The following SRRM4 variants were observed in gnomAD, a reference collection of about 807,000 sequenced individuals.
SRRM4 encodes the protein serine/arginine repetitive matrix 4, also known as serine/arginine repetitive matrix protein 4.
Under a neutral mutation model 68.9 loss-of-function variants are expected in SRRM4, and 33 were observed. The observed-to-expected ratio is 0.48, with a 90% CI of 0.36 to 0.64. The LOEUF (loss-of-function observed/expected upper bound fraction) is 0.64, where lower values mean the gene tolerates loss of function less well. Ranked by LOEUF, SRRM4 falls within the 30% of genes least tolerant of loss-of-function variation. The pLI is 0.00. For missense variants in SRRM4, 817 were observed against 827.1 expected, an observed-to-expected ratio of 0.99 and a Z score of 0.15; for synonymous variants, 318 against 318.8, an observed-to-expected ratio of 1.00 and a Z score of 0.03.
At chr12:119,124,183 G>A (rs1053449937) in intron 6 of SRRM4, 3 of 152,212 alleles carry the variant, frequency 2.0e-5, no homozygotes, top group African/African-American at 7.2e-5. Context: ...TTAGATGTGG[G>A]TTACCTGTCA....
At chr12:119,023,998 G>C (rs966647771) in intron 1 of SRRM4, among the ~76,000 whole-genome samples, 5 of 147,986 alleles carry the variant, frequency 3.4e-5, no homozygotes, top group African/African-American at 1.2e-4. Context: ...CTCTCTCATT[G>C]TACTCTTGGC....
chr12:119,117,867 G>A (rs1209133650), intron 4 of SRRM4, among the ~76,000 whole-genome samples: 11 of 152,068 alleles, frequency 7.2e-5, no homozygotes, highest in African/African-American at 2.4e-4. Context: ...AGCCGAGATC[G>A]CTCCATTGCA....
At chr12:119,090,469 T>C (rs1392595983) in intron 1 of SRRM4, among the ~76,000 whole-genome samples, 1 of 152,110 alleles carries the variant, frequency 6.6e-6, no homozygotes, top group African/African-American at 2.4e-5. Context: ...CACCATAGAA[T>C]TGGTCTGACC....
intron 6 of SRRM4, among the ~76,000 whole-genome samples, chr12:119,122,886 T>A (rs4285939): frequency 1.3e-5 from 2 of 152,156 alleles, no homozygotes; most frequent in Non-Finnish European, 2.9e-5. Flanking sequence ...AGATGTCAGT[T>A]AAGCTCCTAG....
At chr12:119,034,148 G>T (rs1235570716) in intron 1 of SRRM4, among the ~76,000 whole-genome samples, 1 of 152,176 alleles carries the variant, frequency 6.6e-6, no homozygotes, top group East Asian at 1.9e-4. Context: ...GAGCTGCAAG[G>T]AGGTCTCAGT....
chr12:119,069,881 C>T (rs1953867136), intron 1 of SRRM4, among the ~76,000 whole-genome samples: 1 of 152,136 alleles, frequency 6.6e-6, no homozygotes, highest in Non-Finnish European at 1.5e-5. Context: ...ACAGAAGAAA[C>T]TAGCCTTTAA....
intron 1 of SRRM4, among the ~76,000 whole-genome samples, chr12:119,062,037 G>C (rs1456124447): frequency 1.3e-5 from 2 of 152,146 alleles, no homozygotes; most frequent in African/African-American, 4.8e-5. Context: ...AATCTAGATG[G>C]GATAGCCTAC....
intron 1 of SRRM4, among the ~76,000 whole-genome samples, chr12:119,065,920 A>C (rs1296837729): frequency 6.6e-6 from 1 of 151,976 alleles, no homozygotes; most frequent in Non-Finnish European, 1.5e-5. Flanking sequence ...GGGTGAATTA[A>C]TGAAGGTATT....
At position 119,161,927 on chromosome 12, in the gene SRRM4, T is replaced by C. The variant is rs1954516692; in HGVS notation, c.*5129T>C. On this transcript the variant is annotated 3_prime_UTR_variant, in exon 13 of 13. Coordinates refer to ENST00000267260, the MANE Select transcript of SRRM4 (RefSeq NM_194286.4). Reference sequence around the variant, plus strand: ...AAAATTGTAAACTCTTTTTTTTTTCTGGCCAAGGAAAGCTATGCCTCATCT... The same window carrying C: ...AAAATTGTAAACTCTTTTTTTTTTCCGGCCAAGGAAAGCTATGCCTCATCT... 6.6e-6 allele frequency: 1 copy of C among 151,988 alleles called. No homozygotes were observed. Among genetic ancestry groups the C allele is most frequent in the Non-Finnish European group, 1.5e-5 (1 of 67,972 alleles). 9.4% of individuals were successfully genotyped at this position (151,988 alleles called of 1,614,324 possible). A position where few individuals can be genotyped will look rare whatever the true frequency, so the allele number is the denominator to read the frequency against.
Position 119,099,652 on chromosome 12 carries a change from T to G in SRRM4, c.132-2584T>G, listed in dbSNP as rs531813235. On this transcript the variant is annotated intron_variant, in intron 1 of 12. Coordinates refer to ENST00000267260, the MANE Select transcript of SRRM4 (RefSeq NM_194286.4). ...AGTGGTTCTAACTCATCATCTCTCA[T>G]GAAGCTGTGGTCAGATGTCAACCAG... 3.9e-5 allele frequency among the ~76,000 whole-genome samples: 6 copies of G among 152,354 alleles called. No homozygotes were observed. In the East Asian group the frequency reaches 1.2e-3, roughly 29 times the overall value.
chr12:119,052,530 T>C lies in SRRM4; in HGVS notation c.132-49706T>C, dbSNP rs146345786. ...GTTGTTGTTGTTGTTGTTTTGTTTG[T>C]TTATTTATTTATTTTTGAGACAGAG... is the stretch of plus-strand genomic sequence containing the variant. On this transcript the variant is annotated intron_variant, in intron 1 of 12. Transcript: ENST00000267260. 2.2e-3 allele frequency among the ~76,000 whole-genome samples: 336 copies of C among 152,178 alleles called. 1 individual carries two copies. The highest frequency in any genetic ancestry group is 7.7e-3 in the African/African-American group (319 of 41,536).
rs371556531 is a variant in SRRM4, at chr12:119,033,558, G to A, written c.131+51545G>A. ...ACGCGCCTATGGTCCCAGCTACTCC[G>A]GAGGCTGAGGCAGGAGAATCGCTTG... On this transcript the variant is annotated intron_variant, in intron 1 of 12. Coordinates refer to ENST00000267260, the MANE Select transcript of SRRM4 (RefSeq NM_194286.4). Among the ~76,000 whole-genome samples, 104 of 152,104 alleles carry A rather than the reference G, an allele frequency of 6.8e-4. 2 individuals carry two copies. The highest frequency in any genetic ancestry group is 2.2e-3 in the African/African-American group (92 of 41,476).
At chr12:119,144,534 TA>T (rs1391375128) in intron 8 of SRRM4, 1 of 152,166 alleles carries the variant, frequency 6.6e-6, no homozygotes, top group Non-Finnish European at 1.5e-5. Flanking sequence ...ACCTACCTAC[TA>T]AAGGAGGAGT....
At chr12:119,082,574 T>C (rs924227304) in intron 1 of SRRM4, among the ~76,000 whole-genome samples, 1 of 152,184 alleles carries the variant, frequency 6.6e-6, no homozygotes. Flanking sequence ...AGCCAAGCCA[T>C]CCTAGCTGGT....
intron 1 of SRRM4, among the ~76,000 whole-genome samples, chr12:119,044,427 AT>A (rs1953691820): frequency 6.6e-6 from 1 of 152,158 alleles, no homozygotes; most frequent in Non-Finnish European, 1.5e-5. Context: ...ATTAAAGCTA[AT>A]CCTCTTCCTT....
At chr12:119,123,959 C>A (rs1471634142) in intron 6 of SRRM4, among the ~76,000 whole-genome samples, 1 of 152,130 alleles carries the variant, frequency 6.6e-6, no homozygotes. Flanking sequence ...GCTTGGTGGC[C>A]TCCCGCAGGA....
At position 119,145,373 on chromosome 12, in the gene SRRM4, G is replaced by A; in HGVS notation, c.772-8G>A. ...TCAGCAGTGTCCAACGGGTCTTTTTGCTTTCAGATCACTGGGTCGGGGTCT... is the reference window on the plus strand; with the variant it reads ...TCAGCAGTGTCCAACGGGTCTTTTTACTTTCAGATCACTGGGTCGGGGTCT... On this transcript the variant is annotated splice_region_variant and splice_polypyrimidine_tract_variant and intron_variant, in intron 8 of 12. Transcript: ENST00000267260. The A allele has an allele frequency of 1.9e-6, 3 of 1,597,148 alleles. No individual in the cohort carries two copies. The highest frequency in any genetic ancestry group is 4.5e-5 in the East Asian group (2 of 44,306).
At chr12:119,153,796 A>G (rs1592919034) in intron 11 of SRRM4, 147 bp downstream of exon 11, 8 of 632,988 alleles carry the variant, frequency 1.3e-5, no homozygotes, top group Non-Finnish European at 2.2e-5. Flanking sequence ...CCTTTGTCCA[A>G]TCAGGAGTGG....
At chr12:119,048,655 GT>G (rs1953722792) in intron 1 of SRRM4, among the ~76,000 whole-genome samples, 1 of 152,110 alleles carries the variant, frequency 6.6e-6, no homozygotes, top group Admixed American at 6.5e-5. Context: ...TGCGGGCTGG[GT>G]GCAGTGGCCT....
Sources: allele counts gnomAD v4.1 joint callset (sites outside exome capture counted in the v4.1 genomes callset), GRCh38; gene constraint gnomAD v4.1.1; transcripts MANE v1.5; gene names NCBI Gene and HGNC (gene_info 2026-07-23, HGNC 2026-07-21).